KIF26B: variants seen among roughly 807,000 people sequenced by gnomAD.
KIF26B encodes the protein kinesin-like protein KIF26B.
A neutral mutation model predicts 151.2 loss-of-function variants in KIF26B; 63 were observed. The ratio of observed to expected loss-of-function variants is 0.42; its 90% CI spans 0.34 to 0.51. The LOEUF is 0.51. Among genes scored for constraint, KIF26B ranks in the 20% least tolerant of loss-of-function variants. The pLI, the probability that KIF26B is intolerant of heterozygous loss-of-function variation, is 0.07. For missense variants in KIF26B, 2,813 were observed against 2,913.6 expected, an observed-to-expected ratio of 0.97 and a Z score of 0.79; for synonymous variants, 1,357 against 1,262.1, an observed-to-expected ratio of 1.08 and a Z score of -1.59.
At position 245,367,144 on chromosome 1, in the gene KIF26B, G is replaced by A. The variant is rs190637518; in HGVS notation, c.776G>A (p.Gly259Asp). ...PAPCATSNYT[G>D]FANKHGSKPS... is the part of the protein sequence containing the mutation. The stretch of plus-strand genomic sequence containing the variant: ...CCCTGTGCCACCTCCAACTACACAG[G>A]CTTCGCCAACAAGCACGGCAGCAAA... The change falls in exon 3 of 15, where the codon GGC (glycine) becomes GAC (aspartate). Residue 259 changes from glycine to aspartate, a missense_variant. Around this residue, in one of 3 missense-constraint regions of KIF26B, gnomAD observed 676 missense variants for 688.1 expected, o/e 0.98. Coordinates refer to ENST00000407071, the MANE Select transcript of KIF26B (RefSeq NM_018012.4). The surrounding 1 kb of genome is among the most constrained non-coding windows in gnomAD (Gnocchi z 4.2). 2.5e-6 allele frequency: 4 copies of A among 1,601,856 alleles called. No homozygotes were observed. The highest frequency in any genetic ancestry group is 1.3e-5 in the African/African-American group (1 of 74,724).
intron 2 of KIF26B, among the ~76,000 whole-genome samples, chr1:245,231,588 A>G (rs1312921014): frequency 6.6e-6 from 1 of 152,178 alleles, no homozygotes; most frequent in Non-Finnish European, 1.5e-5. Flanking sequence ...ACATACTGAA[A>G]GTTTCTACAT....
At chr1:245,431,106 G>A (rs989022649) in intron 4 of KIF26B, among the ~76,000 whole-genome samples, 1 of 152,170 alleles carries the variant, frequency 6.6e-6, no homozygotes, top group Non-Finnish European at 1.5e-5. Context: ...TCAATGCAAC[G>A]ATCTCAATGT....
intron 2 of KIF26B, among the ~76,000 whole-genome samples, chr1:245,168,511 T>A (rs2103520997): frequency 6.6e-6 from 1 of 152,344 alleles, no homozygotes; most frequent in Non-Finnish European, 1.5e-5. Flanking sequence ...TGAAGAAAAG[T>A]ATTGCCTTAG....
rs534457588 is a variant in KIF26B at position 245,355,167 on chromosome 1, C to T, written c.466-11667C>T. On this transcript the variant is annotated intron_variant, in intron 2 of 14. Transcript: ENST00000407071. ...CTCGAACTCCTGACCTCAGGTGGTCCGCCCATCTCGGCCTCCCAAAGTGCT... is the reference window on the plus strand; with the variant it reads ...CTCGAACTCCTGACCTCAGGTGGTCTGCCCATCTCGGCCTCCCAAAGTGCT... 3.5e-3 allele frequency among the ~76,000 whole-genome samples: 532 copies of T among 152,168 alleles called. 2 individuals carry two copies. The highest frequency in any genetic ancestry group is 6.0e-3 in the Non-Finnish European group (411 of 68,010).
At chr1:245,372,032 T>TC (rs35230464) in intron 3 of KIF26B, among the ~76,000 whole-genome samples, 72,212 of 151,792 alleles carry the variant, frequency 0.48, 17,986 homozygotes, top group Admixed American at 0.55. Context: ...AGCGCAGGGG[T>TC]CCCCAGACCC....
intron 2 of KIF26B, among the ~76,000 whole-genome samples, chr1:245,209,312 A>T (rs1669465637): frequency 6.6e-6 from 1 of 152,190 alleles, no homozygotes; most frequent in Non-Finnish European, 1.5e-5. Context: ...GAGGCAGGAG[A>T]ATCGCTTGAA....
At chr1:245,445,080 G>A (rs1296870183) in intron 4 of KIF26B, among the ~76,000 whole-genome samples, 9 of 152,168 alleles carry the variant, frequency 5.9e-5, no homozygotes, top group South Asian at 2.1e-4. Flanking sequence ...TGCTCACTTC[G>A]TATCTGTCAT....
intron 9 of KIF26B, among the ~76,000 whole-genome samples, chr1:245,619,911 T>A (rs941777168): frequency 4.0e-5 from 6 of 151,800 alleles, no homozygotes; most frequent in African/African-American, 1.5e-4. Context: ...AGACTCCATC[T>A]CAAAAACAAA....
chr1:245,460,362 G>A (rs1474217896), intron 4 of KIF26B, among the ~76,000 whole-genome samples: 1 of 152,062 alleles, frequency 6.6e-6, no homozygotes, highest in African/African-American at 2.4e-5. Flanking sequence ...ATCAGAGATT[G>A]CAAAATGTGG....
intron 4 of KIF26B, among the ~76,000 whole-genome samples, chr1:245,442,700 G>C (rs1213226296): frequency 5.4e-5 from 8 of 147,668 alleles, no homozygotes; most frequent in South Asian, 2.2e-4. Context: ...TGTTCACCTA[G>C]AGCTGTCATC....
At chr1:245,690,740 T>TGGGG (rs199665870) in intron 12 of KIF26B, among the ~76,000 whole-genome samples, 1 of 149,658 alleles carries the variant, frequency 6.7e-6, no homozygotes, top group African/African-American at 2.5e-5. Flanking sequence ...TTTATTTGCC[T>TGGGG]GGGGGGGGGG....
intron 4 of KIF26B, among the ~76,000 whole-genome samples, chr1:245,470,047 C>T (rs1659877002): frequency 6.6e-6 from 1 of 151,900 alleles, no homozygotes; most frequent in South Asian, 2.1e-4. Flanking sequence ...CTTGAAAGAA[C>T]CGATAGGATT....
rs1034193458 is a variant in KIF26B, at chr1:245,462,140, T to G, written c.1166+42395T>G. ...CCTGTCTCAGAAAAAGAAAAAAAAT[T>G]AAAAAATGAAAAAAAGAAGAAGAAA... On this transcript the variant is annotated intron_variant, in intron 4 of 14. Coordinates refer to ENST00000407071, the MANE Select transcript of KIF26B (RefSeq NM_018012.4). 4.0e-5 allele frequency among the ~76,000 whole-genome samples: 6 copies of G among 151,858 alleles called. No homozygotes were observed. The East Asian group carries it at 5.8e-4, about 15-fold the overall frequency.
chr1:245,359,874 C>CTTTTT (rs766845350), intron 2 of KIF26B, among the ~76,000 whole-genome samples: 8 of 139,612 alleles, frequency 5.7e-5, no homozygotes, highest in African/African-American at 2.2e-4. Context: ...TTCTTTCTTT[C>CTTTTT]TTTTTTTTTT....
chr1:245,207,750 C>T (rs568502386), intron 2 of KIF26B, among the ~76,000 whole-genome samples: 1 of 152,162 alleles, frequency 6.6e-6, no homozygotes, highest in Non-Finnish European at 1.5e-5. Context: ...TTTCCACCAC[C>T]CACTTCCCAC....
chr1:245,427,978 C>A (rs1350633028), intron 4 of KIF26B, among the ~76,000 whole-genome samples: 1 of 152,162 alleles, frequency 6.6e-6, no homozygotes. Flanking sequence ...ATCCAGCCAA[C>A]ACTGTGCCAG....
intron 10 of KIF26B, chr1:245,673,692 C>T (rs2044322970): frequency 6.6e-6 from 1 of 152,180 alleles, no homozygotes; most frequent in African/African-American, 2.4e-5. Flanking sequence ...TGTTTCTTAC[C>T]TGAAACACTC....
At chr1:245,398,063 A>T (rs982667276) in intron 3 of KIF26B, among the ~76,000 whole-genome samples, 16 of 152,198 alleles carry the variant, frequency 1.1e-4, no homozygotes, top group African/African-American at 3.9e-4. Context: ...AGAATCTCAA[A>T]AAGGGCTGAA....
At position 245,366,989 on chromosome 1, in the gene KIF26B, G is replaced by C; in HGVS notation, c.621G>C (p.Gln207His). The change falls in exon 3 of 15, where the codon CAG (glutamine) becomes CAC (histidine). Residue 207 changes from glutamine (Q) to histidine (H), a missense_variant. Physicochemically the swap from Gln to His is conservative, Grantham distance 24 (BLOSUM62 0). Coordinates refer to ENST00000407071, the MANE Select transcript of KIF26B (RefSeq NM_018012.4). ...EAIQMVLTLE[Q>H]AAGSEHYDAS... Reference sequence around the variant, plus strand: ...TCCAGATGGTGCTGACGTTGGAGCAGGCAGCCGGCAGTGAGCACTACGACG... The same window carrying C: ...TCCAGATGGTGCTGACGTTGGAGCACGCAGCCGGCAGTGAGCACTACGACG... The C allele has an allele frequency of 4.3e-6, 7 of 1,613,924 alleles. No individual in the cohort carries two copies. Among genetic ancestry groups the C allele is most frequent in the Non-Finnish European group, 5.9e-6 (7 of 1,179,886 alleles).
Sources: gnomAD v4.1 joint callset for allele counts (sites outside exome capture counted in the v4.1 genomes callset) on GRCh38, gnomAD v4.1.1 for gene constraint, gnomAD v4.1.1 regional missense constraint, Gnocchi (gnomAD v3.1) non-coding constraint, MANE v1.5 for transcripts, NCBI Gene and HGNC (gene_info 2026-07-23, HGNC 2026-07-21) for gene names.